The following RBFOX1 variants were observed in gnomAD, a reference collection of about 807,000 sequenced individuals.
The protein encoded by RBFOX1 is RNA binding protein fox-1 homolog 1.
In RBFOX1, 8 loss-of-function variants were observed where a neutral mutation model predicts 57.7. The observed-to-expected ratio is 0.14, with a 90% CI of 0.08 to 0.25. The LOEUF is 0.25. Among genes scored for constraint, RBFOX1 ranks in the 10% least tolerant of loss-of-function variants. The pLI, the probability that RBFOX1 is intolerant of heterozygous loss-of-function variation, is 1.00. For missense variants in RBFOX1, 611 were observed against 548.5 expected, an observed-to-expected ratio of 1.11 and a Z score of -1.14; for synonymous variants, 326 against 222.4, an observed-to-expected ratio of 1.47 and a Z score of -4.15.
chr16:7,622,462 G>A (rs971203512), intron 10 of RBFOX1, among the ~76,000 whole-genome samples: 1 of 152,176 alleles, frequency 6.6e-6, no homozygotes, highest in African/African-American at 2.4e-5. Context: ...CATTTTGGCT[G>A]CAGGAGATTA....
intron 10 of RBFOX1, among the ~76,000 whole-genome samples, chr16:7,619,254 G>GT (rs1568127645): frequency 4.6e-4 from 70 of 152,324 alleles, no homozygotes; most frequent in African/African-American, 1.6e-3. Flanking sequence ...CTAGTGTTTG[G>GT]TTGATGTGCA....
At chr16:7,258,532 A>G (rs1257913151) in intron 4 of RBFOX1, among the ~76,000 whole-genome samples, 1 of 152,180 alleles carries the variant, frequency 6.6e-6, no homozygotes, top group African/African-American at 2.4e-5. Context: ...ATTGTTGTAC[A>G]TGCACGTAAA....
intron 4 of RBFOX1, among the ~76,000 whole-genome samples, chr16:7,205,647 C>A (rs1442690237): frequency 6.6e-6 from 1 of 152,164 alleles, no homozygotes; most frequent in South Asian, 2.1e-4. Flanking sequence ...ATTTTAGAAA[C>A]CAAAATTCCA....
intron 4 of RBFOX1, among the ~76,000 whole-genome samples, chr16:5,944,987 A>AAGAG (rs1555453187): frequency 6.4e-4 from 62 of 97,072 alleles, no homozygotes; most frequent in South Asian, 9.5e-4. Flanking sequence ...AAAAAAAAAA[A>AAGAG]AGAGAGAGAG....
At chr16:7,403,309 C>CT (rs1171483512) in intron 4 of RBFOX1, among the ~76,000 whole-genome samples, 12 of 152,060 alleles carry the variant, frequency 7.9e-5, no homozygotes, top group African/African-American at 2.9e-4. Flanking sequence ...AGTCACCGTG[C>CT]TATACATTAG....
At chr16:6,525,769 A>T (rs2096569769) in intron 2 of RBFOX1, among the ~76,000 whole-genome samples, 2 of 152,046 alleles carry the variant, frequency 1.3e-5, no homozygotes. Flanking sequence ...TGTCTCCAGC[A>T]ATTTTATAGG....
At chr16:6,670,822 C>A (rs953670503) in intron 3 of RBFOX1, among the ~76,000 whole-genome samples, 8 of 151,732 alleles carry the variant, frequency 5.3e-5, no homozygotes, top group Admixed American at 6.6e-5. Flanking sequence ...ACGGTGAAAC[C>A]CTGTCTCTAC....
chr16:6,200,280 C>G (rs993170629), intron 1 of RBFOX1, among the ~76,000 whole-genome samples: 24 of 152,190 alleles, frequency 1.6e-4, no homozygotes, highest in African/African-American at 3.6e-4. Flanking sequence ...GACGGTCTCT[C>G]TGCATCCCTT....
At chr16:7,237,262 C>A (rs550268385) in intron 4 of RBFOX1, among the ~76,000 whole-genome samples, 1 of 152,312 alleles carries the variant, frequency 6.6e-6, no homozygotes, top group East Asian at 1.9e-4. Flanking sequence ...CTGGTCCCAG[C>A]GGGGACCATG....
At chr16:5,532,963 T>C (rs1327234367) in intron 2 of RBFOX1, among the ~76,000 whole-genome samples, 1 of 152,206 alleles carries the variant, frequency 6.6e-6, no homozygotes, top group Non-Finnish European at 1.5e-5. Context: ...TTTATGGTAA[T>C]GCTGAGGGGG....
intron 2 of RBFOX1, among the ~76,000 whole-genome samples, chr16:6,385,425 T>C (rs2092187055): frequency 6.6e-6 from 1 of 152,344 alleles, no homozygotes; most frequent in Non-Finnish European, 1.5e-5. Flanking sequence ...AGTGCCGCCA[T>C]CTTGGCTCAC....
In RBFOX1 at chr16:7,045,387, A is replaced by T. The variant is rs532615229; in HGVS notation, c.-15-6670A>T. Among the ~76,000 whole-genome samples, 3 of 152,336 alleles carry T rather than the reference A, an allele frequency of 2.0e-5. No individual in the cohort carries two copies. The South Asian group carries it at 6.2e-4, about 32-fold the overall frequency. Reference sequence around the variant, plus strand: ...AACAAACATGTCTACTATAGAGATTACTTGAAATATCCTTTTTCTTATTCC... The same window carrying T: ...AACAAACATGTCTACTATAGAGATTTCTTGAAATATCCTTTTTCTTATTCC... On this transcript the variant is annotated intron_variant, in intron 3 of 15. Coordinates refer to ENST00000550418, the MANE Select transcript of RBFOX1 (RefSeq NM_018723.4).
At chr16:5,843,435 C>T (rs1308757816) in intron 3 of RBFOX1, among the ~76,000 whole-genome samples, 1 of 152,174 alleles carries the variant, frequency 6.6e-6, no homozygotes, top group Non-Finnish European at 1.5e-5. Flanking sequence ...TGGCCTCCAG[C>T]TCCATGCATG....
intron 1 of RBFOX1, among the ~76,000 whole-genome samples, chr16:6,029,933 G>T (rs2095264765): frequency 6.6e-6 from 1 of 152,010 alleles, no homozygotes; most frequent in Admixed American, 6.6e-5. Flanking sequence ...ATTTTTTTGA[G>T]ACAGAGAGTC....
intron 5 of RBFOX1, 82 bp from the exon 6 acceptor site, chr16:7,579,695 C>A (rs1176988609): frequency 7.2e-6 from 11 of 1,537,162 alleles, no homozygotes; most frequent in Admixed American, 1.7e-5. Context: ...TCTTTTCCTG[C>A]CACTCATGGC....
intron 4 of RBFOX1, among the ~76,000 whole-genome samples, chr16:7,477,026 T>C (rs1020081349): frequency 8.5e-5 from 13 of 152,206 alleles, no homozygotes; most frequent in African/African-American, 3.1e-4. Flanking sequence ...TAACACTTGC[T>C]GTCAGGCTGG....
intron 4 of RBFOX1, among the ~76,000 whole-genome samples, chr16:7,080,845 A>G (rs111490572): frequency 0.01 from 1,529 of 152,294 alleles, 29 homozygotes; most frequent in African/African-American, 0.035. Flanking sequence ...CCTCAAGGCC[A>G]CAATCCATCC....
intron 3 of RBFOX1, among the ~76,000 whole-genome samples, chr16:5,626,851 C>G (rs868665652): frequency 6.7e-6 from 1 of 148,500 alleles, no homozygotes; most frequent in Non-Finnish European, 1.5e-5. Context: ...TTATCCAAAT[C>G]ATTTTTTTTT....
chr16:5,590,691 C>T (rs555141537), intron 2 of RBFOX1, among the ~76,000 whole-genome samples: 7 of 152,260 alleles, frequency 4.6e-5, no homozygotes, highest in Admixed American at 1.3e-4. Flanking sequence ...TGGGCATTGC[C>T]TTTTGGTCAC....
Sources: allele counts gnomAD v4.1 joint callset (sites outside exome capture counted in the v4.1 genomes callset), GRCh38; gene constraint gnomAD v4.1.1; transcripts MANE v1.5; gene names NCBI Gene and HGNC (gene_info 2026-07-23, HGNC 2026-07-21).